The following SYT1 variants were observed in gnomAD, a reference collection of about 807,000 sequenced individuals.
The protein encoded by SYT1 is synaptotagmin 1.
Under a neutral mutation model 44.8 loss-of-function variants are expected in SYT1, and 8 were observed. The observed-to-expected ratio is 0.18, with a 90% CI of 0.10 to 0.32. The LOEUF is 0.32. Ranked by LOEUF, SYT1 falls within the 10% of genes least tolerant of loss-of-function variation. The pLI is 1.00. For synonymous variants in SYT1, 154 were observed against 188.8 expected, an observed-to-expected ratio of 0.82 and a Z score of 1.51; for missense variants, 286 against 509.3, an observed-to-expected ratio of 0.56 and a Z score of 4.22.
At chr12:78,882,779 G>A (rs1288670794) in intron 1 of SYT1, among the ~76,000 whole-genome samples, 1 of 151,684 alleles carries the variant, frequency 6.6e-6, no homozygotes, top group African/African-American at 2.4e-5. Flanking sequence ...TGAATGTAGA[G>A]AAGTGCTTTA....
At chr12:79,357,167 C>T (rs1334526999) in intron 9 of SYT1, among the ~76,000 whole-genome samples, 1 of 152,200 alleles carries the variant, frequency 6.6e-6, no homozygotes. Context: ...AAATGCATTG[C>T]ACAAAGATTT....
chr12:79,339,115 G>C (rs1434454354), intron 8 of SYT1, among the ~76,000 whole-genome samples: 2 of 152,116 alleles, frequency 1.3e-5, no homozygotes, highest in Admixed American at 6.5e-5. Context: ...TGTGAATAGT[G>C]CTGCAATAAA....
intron 1 of SYT1, among the ~76,000 whole-genome samples, chr12:78,937,520 G>T (rs911851127): frequency 1.3e-4 from 20 of 152,038 alleles, no homozygotes; most frequent in African/African-American, 4.6e-4. Context: ...CCGTAAACAT[G>T]ATGGGGAATA....
At chr12:78,929,992 G>T (rs1218359839) in intron 1 of SYT1, among the ~76,000 whole-genome samples, 1 of 152,016 alleles carries the variant, frequency 6.6e-6, no homozygotes, top group Non-Finnish European at 1.5e-5. Flanking sequence ...ACTAATAAGT[G>T]AGATCTAAGA....
chr12:78,902,794 T>C (rs1875735890), intron 1 of SYT1, among the ~76,000 whole-genome samples: 2 of 152,158 alleles, frequency 1.3e-5, no homozygotes. Context: ...CTGGCAACTG[T>C]GTTTTGTTTG....
intron 1 of SYT1, among the ~76,000 whole-genome samples, chr12:78,914,774 ATAT>A (rs1237545034): frequency 1.3e-5 from 2 of 152,078 alleles, no homozygotes; most frequent in Non-Finnish European, 2.9e-5. Flanking sequence ...GAATTCAAGA[ATAT>A]TATTTTGTTT....
At chr12:79,179,392 A>ATCTATATC (rs1565842057) in intron 3 of SYT1, among the ~76,000 whole-genome samples, 2 of 29,502 alleles carry the variant, frequency 6.8e-5, no homozygotes, top group African/African-American at 4.4e-4. Context: ...ATATCGATAT[A>ATCTATATC]GATATCCATA....
chr12:79,179,870 A>G (rs925452181), intron 3 of SYT1, among the ~76,000 whole-genome samples: 16 of 152,100 alleles, frequency 1.1e-4, no homozygotes, highest in Non-Finnish European at 2.2e-4. Flanking sequence ...TACACTTGAA[A>G]AAGTTTTAGA....
chr12:79,121,139 C>T (rs1373459675), intron 3 of SYT1, among the ~76,000 whole-genome samples: 1 of 151,872 alleles, frequency 6.6e-6, no homozygotes, highest in Non-Finnish European at 1.5e-5. Context: ...CTTCAGATTA[C>T]TCCTAACCCC....
chr12:79,275,800 A>G (rs1223722557), intron 4 of SYT1, among the ~76,000 whole-genome samples: 2 of 152,180 alleles, frequency 1.3e-5, no homozygotes, highest in Non-Finnish European at 2.9e-5. Flanking sequence ...GTGAAAAAAT[A>G]CTGAGGGTGT....
At position 79,099,271 on chromosome 12, in the gene SYT1, G is replaced by A. The variant is rs117259939; in HGVS notation, c.-18+51909G>A. On this transcript the variant is annotated intron_variant, in intron 3 of 10. Transcript: ENST00000261205. ...TCCCTCAACTAATACATTGAGAAAT[G>A]TATTAATTCAAAAAATCCATTTTCC... Among the ~76,000 whole-genome samples, 1,096 of 152,170 alleles carry A rather than the reference G, an allele frequency of 7.2e-3. 9 individuals carry two copies. The highest frequency in any genetic ancestry group is 0.013 in the South Asian group (64 of 4,830).
intron 3 of SYT1, among the ~76,000 whole-genome samples, chr12:79,053,595 TATA>T (rs200542678): frequency 0.022 from 3,309 of 149,130 alleles, 57 homozygotes; most frequent in Middle Eastern, 0.082. Flanking sequence ...AAAATTATTT[TATA>T]ATATTGACAA....
chr12:79,147,948 C>T (rs547964141), intron 3 of SYT1, among the ~76,000 whole-genome samples: 26 of 151,898 alleles, frequency 1.7e-4, no homozygotes, highest in Non-Finnish European at 3.5e-4. Context: ...ATCTGGAGAA[C>T]AGAATAATAT....
chr12:79,211,880 C>T (rs1166145240), intron 3 of SYT1, among the ~76,000 whole-genome samples: 4 of 152,068 alleles, frequency 2.6e-5, no homozygotes, highest in Admixed American at 6.6e-5. Context: ...AATCTAGTCT[C>T]CTTCCTAATT....
At chr12:79,006,467 C>A (rs1467036920) in intron 2 of SYT1, among the ~76,000 whole-genome samples, 1 of 152,006 alleles carries the variant, frequency 6.6e-6, no homozygotes, top group Non-Finnish European at 1.5e-5. Context: ...ACAACAGGTG[C>A]TTTTCTTGAG....
At chr12:78,967,186 G>T (rs1868270032) in intron 1 of SYT1, among the ~76,000 whole-genome samples, 1 of 152,076 alleles carries the variant, frequency 6.6e-6, no homozygotes, top group African/African-American at 2.4e-5. Context: ...AAAGACTAAG[G>T]TATCATTTGT....
chr12:79,037,442 T>C (rs1664269565), intron 2 of SYT1, among the ~76,000 whole-genome samples: 1 of 151,820 alleles, frequency 6.6e-6, no homozygotes, highest in Non-Finnish European at 1.5e-5. Flanking sequence ...ACAGATGTTT[T>C]CGTATTTGTT....
chr12:79,423,382 C>T (rs1869239301), intron 9 of SYT1, among the ~76,000 whole-genome samples: 1 of 152,084 alleles, frequency 6.6e-6, no homozygotes, highest in South Asian at 2.1e-4. Context: ...TGCTTTCATT[C>T]TATCACCTGA....
chr12:79,244,827 A>G lies in SYT1; in HGVS notation c.166+27142A>G, dbSNP rs909476986. On this transcript the variant is annotated intron_variant, in intron 4 of 10. Coordinates refer to ENST00000261205, the MANE Select transcript of SYT1 (RefSeq NM_005639.3). Reference sequence around the variant, plus strand: ...CTAGTGAAGCTGGGATTCTAGTTTGACTTTTGAACGGCTTTTTTTTAACTG... The same window carrying G: ...CTAGTGAAGCTGGGATTCTAGTTTGGCTTTTGAACGGCTTTTTTTTAACTG... Among the ~76,000 whole-genome samples the G allele has an allele frequency of 2.6e-5, 4 of 151,484 alleles. No homozygotes were observed. The South Asian group carries it at 8.3e-4, about 31-fold the overall frequency.
Sources: gnomAD v4.1 joint callset for allele counts (sites outside exome capture counted in the v4.1 genomes callset) on GRCh38, gnomAD v4.1.1 for gene constraint, MANE v1.5 for transcripts, NCBI Gene and HGNC (gene_info 2026-07-23, HGNC 2026-07-21) for gene names.